Variants in TEP1 observed in about 807,000 individuals in gnomAD.
The protein encoded by TEP1 is telomerase associated protein 1.
TEP1 carries 241 observed loss-of-function variants against 306.3 expected under a neutral mutation model. The ratio of observed to expected loss-of-function variants is 0.79; its 90% CI spans 0.71 to 0.88. The LOEUF is 0.88. Ranked by LOEUF, TEP1 falls within the 40% of genes least tolerant of loss-of-function variation. TEP1 has a pLI of 0.00. For missense variants in TEP1, 3,051 were observed against 3,276.1 expected (o/e 0.93, Z 1.68); for synonymous variants, 1,289 against 1,305.5 (o/e 0.99, Z 0.27).
At position 20,383,216 on chromosome 14, in the gene TEP1, G is replaced by A. The variant is rs1184695073; in HGVS notation, c.4005C>T (p.Ala1335=). 14 of 1,613,556 alleles carry A rather than the reference G, an allele frequency of 8.7e-6. No homozygotes were observed. The highest frequency in any genetic ancestry group is 1.1e-5 in the Non-Finnish European group (13 of 1,179,812). ...ACTCCTCCAGCCGCTTCCCGTACAG[G>A]GCCAGCTCCTCTCTCACCAGCCGGG... ...ARARLVREEL[A]LYGKRLEESP... is the part of the protein sequence containing the mutation. The change falls in exon 27 of 55, where the codon GCC becomes GCT. Residue 1335 remains alanine, a synonymous_variant. Coordinates refer to ENST00000262715, the MANE Select transcript of TEP1 (RefSeq NM_007110.5).
In TEP1 at chr14:20,366,722, T is replaced by C. The variant is rs531897085; in HGVS notation, c.*1715A>G. On this transcript the variant is annotated 3_prime_UTR_variant, in exon 55 of 55. Coordinates refer to ENST00000262715, the MANE Select transcript of TEP1 (RefSeq NM_007110.5). ...TCATTTCTAGACCAGGGTGTAGTGG[T>C]ATTTCTCCAAGAGAAACCTACCAAA... The C allele has an allele frequency of 6.6e-6, 1 of 152,322 alleles. No individual in the cohort carries two copies. The highest frequency in any genetic ancestry group is 6.5e-5 in the Admixed American group (1 of 15,294). The allele number at this position is 152,322 out of a possible 1,614,324, so 9.4% of individuals were successfully genotyped here. A position where few individuals can be genotyped will look rare whatever the true frequency, so the allele number is the denominator to read the frequency against.
Position 20,373,593 on chromosome 14 carries a change from C to T in TEP1, c.6605-10G>A. ...GACCCAGGCTGTCCAGCTGATAAGACACAGAGACTGAGTCAGAAGAAGGGA... is the reference window on the plus strand; with the variant it reads ...GACCCAGGCTGTCCAGCTGATAAGATACAGAGACTGAGTCAGAAGAAGGGA... On this transcript the variant is annotated splice_polypyrimidine_tract_variant and intron_variant, in intron 45 of 54. Transcript: ENST00000262715. 6.2e-7 allele frequency: 1 copy of T among 1,614,204 alleles called. No homozygotes were observed.
At position 20,378,445 on chromosome 14, in the gene TEP1, T is replaced by C. The variant is rs746355359; in HGVS notation, c.5443A>G (p.Ile1815Val). 31 of 1,614,204 alleles carry C rather than the reference T, an allele frequency of 1.9e-5. No homozygotes were observed. Among genetic ancestry groups the C allele is most frequent in the Non-Finnish European group, 2.6e-5 (31 of 1,180,034 alleles). ...CVAFHPEGQV[I>V]ATGSWAGSIS... ...CTGCCAGCCCAGCTGCCTGTGGCTA[T>C]TACCTGCCCCTCTGGGTGGAAGGCA... The change falls in exon 38 of 55, where the codon ATA becomes GTA. Residue 1815 changes from isoleucine (I) to valine (V), a missense_variant. Transcript: ENST00000262715.
In TEP1 at chr14:20,369,835, G is replaced by C. The variant is rs61030625; in HGVS notation, c.7318-56C>G. The C allele has an allele frequency of 2.2e-3, 3,067 of 1,406,360 alleles. 64 individuals are homozygous for C. The African/African-American group carries it at 0.039, about 18-fold the overall frequency. 87.1% of individuals were successfully genotyped at this position (1,406,360 alleles called of 1,614,324 possible). On this transcript the variant is annotated intron_variant, in intron 51 of 54. Transcript: ENST00000262715. Reference sequence around the variant, plus strand: ...TACCCATATGAGTCAACTTGTACCAGACAAAACAACAGTTTTCTGCTCTGG... The same window carrying C: ...TACCCATATGAGTCAACTTGTACCACACAAAACAACAGTTTTCTGCTCTGG...
intron 9 of TEP1, among the ~76,000 whole-genome samples, chr14:20,400,137 CAAAAAAAA>C (rs58121179): frequency 5.0e-5 from 4 of 80,492 alleles, no homozygotes; most frequent in South Asian, 4.7e-4. Context: ...AACTCCGTCT[CAAAAAAAA>C]AAAAAAAAAA....
Position 20,406,100 on chromosome 14 carries a change from G to A in TEP1, c.735+133C>T, listed in dbSNP as rs1879153322. ...AAAAGAAAAAAGAAAAGGGGATTAG[G>A]AAGTGAGAAATAAGAGCTAGGTTGT... On this transcript the variant is annotated intron_variant, in intron 3 of 54. Transcript: ENST00000262715. 3 of 677,154 alleles carry A rather than the reference G, an allele frequency of 4.4e-6. No individual in the cohort carries two copies. The East Asian group carries it at 8.3e-5, about 19-fold the overall frequency. The allele number at this position is 677,154 out of a possible 1,614,324, so 41.9% of individuals were successfully genotyped here.
chr14:20,383,266 C>T lies in TEP1; in HGVS notation c.3955G>A (p.Gly1319Arg). ...QSQGAHVLALGPLEASARARL... is the reference protein window; with the variant it reads ...QSQGAHVLALRPLEASARARL... ...GCCCGAGCAGAGGCCTCCAGAGGCC[C>T]CAAGGCCAGCACGTGGGCACCCTGG... Residue 1319 changes from glycine (G) to arginine (R), a missense_variant, in exon 27 of 55, where the codon GGG (glycine) becomes AGG (arginine). This residue lies in a region of TEP1 where 1,540 missense variants were observed against 1,705.9 expected (regional missense o/e 0.90). Transcript: ENST00000262715. 6.2e-7 allele frequency: 1 copy of T among 1,613,878 alleles called. No homozygotes were observed.
Position 20,380,896 on chromosome 14 carries a change from T to C in TEP1, c.4762+35A>G, listed in dbSNP as rs1294582996. The C allele has an allele frequency of 5.1e-6, 8 of 1,574,218 alleles. No individual in the cohort carries two copies. The Admixed American group carries it at 1.2e-4, about 23-fold the overall frequency. ...CATAAGCACACCCAGGAGTCCCATA[T>C]CTCAGAGAAGAACCCAGCCAGTGAC... On this transcript the variant is annotated intron_variant, in intron 33 of 54. Transcript: ENST00000262715.
Position 20,408,446 on chromosome 14 carries a change from A to T in TEP1, c.-7T>A. 1 of 1,609,568 alleles carries T rather than the reference A, an allele frequency of 6.2e-7. No homozygotes were observed. The highest frequency in any genetic ancestry group is 8.5e-7 in the Non-Finnish European group (1 of 1,178,806). On this transcript the variant is annotated 5_prime_UTR_variant, in exon 2 of 55. Coordinates refer to ENST00000262715, the MANE Select transcript of TEP1 (RefSeq NM_007110.5). ...GCCCATGGAGTTTTTCCATGGCTGAAACTCAGCTTGTATATGCCTAGAAGG... is the reference window on the plus strand; with the variant it reads ...GCCCATGGAGTTTTTCCATGGCTGATACTCAGCTTGTATATGCCTAGAAGG...
intron 1 of TEP1, among the ~76,000 whole-genome samples, chr14:20,408,910 C>T (rs1304154187): frequency 1.3e-5 from 2 of 151,604 alleles, no homozygotes; most frequent in Non-Finnish European, 2.9e-5. Flanking sequence ...GAGACCCAAC[C>T]CCCCTGACCC....
intron 53 of TEP1, 137 bp from the exon 54 acceptor site, chr14:20,369,039 G>A (rs1407894454): frequency 3.6e-5 from 25 of 689,150 alleles, no homozygotes; most frequent in East Asian, 2.2e-4. Flanking sequence ...CAAGAGTCTC[G>A]CTCTGTCGCC....
intron 53 of TEP1, 75 bp from the exon 54 acceptor site, chr14:20,368,977 T>C: frequency 9.5e-7 from 1 of 1,047,798 alleles, no homozygotes; most frequent in Non-Finnish European, 1.4e-6. Context: ...CAATGTGCTG[T>C]GTCAGACCTA....
At chr14:20,394,986 C>A (rs758670536) in intron 12 of TEP1, among the ~76,000 whole-genome samples, 2 of 152,076 alleles carry the variant, frequency 1.3e-5, no homozygotes, top group Non-Finnish European at 2.9e-5. Context: ...TGTCTTTGAG[C>A]CTGCTGATGG....
At position 20,389,375 on chromosome 14, in the gene TEP1, T is replaced by C. The variant is rs1267793115; in HGVS notation, c.2466-78A>G. 14 of 1,542,426 alleles carry C rather than the reference T, an allele frequency of 9.1e-6. No individual in the cohort carries two copies. The Admixed American group carries it at 1.7e-4, about 18-fold the overall frequency. ...GTCACTGCCCACTAACATCCCAAGA[T>C]GAAAACCCCACTTCTGCACCTTTAA... On this transcript the variant is annotated intron_variant, in intron 16 of 54. Coordinates refer to ENST00000262715, the MANE Select transcript of TEP1 (RefSeq NM_007110.5).
chr14:20,375,917 G>A, intron 42 of TEP1, 49 bp from the exon 43 acceptor site: 2 of 1,533,966 alleles, frequency 1.3e-6, no homozygotes, highest in Non-Finnish European at 1.8e-6. Flanking sequence ...AGGAAGGATG[G>A]GAACCCCGGA....
intron 17 of TEP1, 37 bp from the exon 18 acceptor site, chr14:20,388,100 C>T: frequency 6.2e-7 from 1 of 1,609,990 alleles, no homozygotes. Flanking sequence ...AGTAGAATAC[C>T]ACAGGTCGAA....
chr14:20,385,169 C>T, intron 20 of TEP1, 60 bp from the exon 21 acceptor site: 1 of 1,598,784 alleles, frequency 6.3e-7, no homozygotes, highest in Non-Finnish European at 8.5e-7. Context: ...TCCCTCCAGA[C>T]CTGCCAAGGC....
intron 18 of TEP1, 85 bp from the exon 19 acceptor site, chr14:20,386,708 C>G: frequency 1.4e-6 from 2 of 1,387,348 alleles, no homozygotes; most frequent in South Asian, 3.4e-5. Flanking sequence ...CCCTTTAGCA[C>G]TGAGCACAAG....
chr14:20,395,474 T>A lies in TEP1; in HGVS notation c.1904A>T (p.Glu635Val), dbSNP rs756394756. The A allele has an allele frequency of 1.2e-6, 2 of 1,600,998 alleles. No individual in the cohort carries two copies. The highest frequency in any genetic ancestry group is 2.2e-5 in the South Asian group (2 of 90,664). The change falls in exon 12 of 55, where the codon GAG (glutamate) becomes GTG (valine). Residue 635 changes from glutamate to valine, a missense_variant. By Grantham distance (121) the Glu-to-Val change is moderately radical. Around this residue, in one of 3 missense-constraint regions of TEP1, gnomAD observed 1,507 missense variants for 1,550.5 expected, o/e 0.97. Coordinates refer to ENST00000262715, the MANE Select transcript of TEP1 (RefSeq NM_007110.5). ...IPVLYEQLKREKLRVHKARQW... is the reference protein window; with the variant it reads ...IPVLYEQLKRVKLRVHKARQW... ...CCTGGCCTTGTGTACTCTCAGCTTC[T>A]CCCTCTTGAGCTGCTCATACAACAC...
Sources: allele counts gnomAD v4.1 joint callset (sites outside exome capture counted in the v4.1 genomes callset), GRCh38; gene constraint gnomAD v4.1.1; regional missense constraint gnomAD v4.1.1; transcripts MANE v1.5; gene names NCBI Gene and HGNC (gene_info 2026-07-23, HGNC 2026-07-21).